PRKCA: variants seen among roughly 807,000 people sequenced by gnomAD.
PRKCA encodes protein kinase C alpha type.
Under a neutral mutation model 87.0 loss-of-function variants are expected in PRKCA, and 27 were observed. The ratio of observed to expected loss-of-function variants is 0.31; its 90% CI spans 0.23 to 0.43. PRKCA has a LOEUF of 0.43. PRKCA is among the 20% of genes least tolerant of loss of function. The probability of loss-of-function intolerance (pLI) is 1.00; values close to 1 mark genes in which losing one functional copy is unlikely to be tolerated. For synonymous variants in PRKCA, 329 were observed against 311.1 expected (o/e 1.06, Z -0.61); for missense variants, 518 against 852.3 (o/e 0.61, Z 4.88).
intron 3 of PRKCA, among the ~76,000 whole-genome samples, chr17:66,506,497 C>T (rs1006946963): frequency 7.2e-5 from 11 of 152,134 alleles, no homozygotes; most frequent in Non-Finnish European, 1.5e-4. Context: ...AAAAAGTATT[C>T]GTTGAACCAA....
intron 2 of PRKCA, among the ~76,000 whole-genome samples, chr17:66,429,522 G>A (rs1225072900): frequency 6.6e-6 from 1 of 152,132 alleles, no homozygotes; most frequent in Non-Finnish European, 1.5e-5. Flanking sequence ...TAGTAGTGAG[G>A]GGTTGCATGT....
chr17:66,714,050 C>T (rs1332645749), intron 8 of PRKCA, among the ~76,000 whole-genome samples: 1 of 152,208 alleles, frequency 6.6e-6, no homozygotes, highest in African/African-American at 2.4e-5. Flanking sequence ...CTCCCTGGCT[C>T]TCTCCTGGCC....
intron 2 of PRKCA, among the ~76,000 whole-genome samples, chr17:66,486,413 C>T (rs1915991626): frequency 6.6e-6 from 1 of 152,184 alleles, no homozygotes; most frequent in Non-Finnish European, 1.5e-5. Context: ...AAGTGTGTGG[C>T]TTCTGGGCCA....
chr17:66,638,404 A>T (rs1598835244), intron 3 of PRKCA: 3 of 152,156 alleles, frequency 2.0e-5, no homozygotes, highest in Admixed American at 6.6e-5. Flanking sequence ...TTCATCAACC[A>T]TGTGATTTGG....
chr17:66,591,022 C>T (rs1389858959), intron 3 of PRKCA, among the ~76,000 whole-genome samples: 1 of 152,146 alleles, frequency 6.6e-6, no homozygotes, highest in Non-Finnish European at 1.5e-5. Flanking sequence ...CTGCCATTTC[C>T]AGCTCTGTAA....
chr17:66,341,398 A>G (rs1399859816), intron 2 of PRKCA, among the ~76,000 whole-genome samples: 4 of 152,144 alleles, frequency 2.6e-5, no homozygotes, highest in African/African-American at 7.2e-5. Flanking sequence ...AAATTTATCT[A>G]CTGTCTTTGT....
chr17:66,320,641 G>A lies in PRKCA; in HGVS notation c.205+14514G>A, dbSNP rs1178775228. ...ATTTGTATTGGATGAGAATTCATGG[G>A]CAAGGAAGATGACCGTTCACGAAAT... On this transcript the variant is annotated intron_variant, in intron 2 of 16. Transcript: ENST00000413366. Among the ~76,000 whole-genome samples, 5 of 152,146 alleles carry A rather than the reference G, an allele frequency of 3.3e-5. No homozygotes were observed. In the East Asian group the frequency reaches 9.6e-4, roughly 29 times the overall value.
rs116944789 is a variant in PRKCA, at chr17:66,417,896, C to G, written c.206-78305C>G. Among the ~76,000 whole-genome samples, 263 of 152,294 alleles carry G rather than the reference C, an allele frequency of 1.7e-3. 7 individuals are homozygous for G. The East Asian group carries it at 0.046, about 26-fold the overall frequency. ...GCATGCAACTGGGATTTTTCTTAAA[C>G]TACTTACCTCTTTTATTTCTATGGT... On this transcript the variant is annotated intron_variant, in intron 2 of 16. Coordinates refer to ENST00000413366, the MANE Select transcript of PRKCA (RefSeq NM_002737.3).
intron 2 of PRKCA, among the ~76,000 whole-genome samples, chr17:66,490,959 T>G (rs78149509): frequency 0.02 from 3,022 of 152,312 alleles, 44 homozygotes; most frequent in Non-Finnish European, 0.031. Context: ...TGGTGAAAAC[T>G]CTCCTTAATT....
chr17:66,331,082 G>A (rs1253177103), intron 2 of PRKCA, among the ~76,000 whole-genome samples: 1 of 152,194 alleles, frequency 6.6e-6, no homozygotes, highest in East Asian at 1.9e-4. Flanking sequence ...TTGGGATGAT[G>A]TGCAGAGATG....
intron 3 of PRKCA, among the ~76,000 whole-genome samples, chr17:66,618,072 A>T (rs1970562570): frequency 6.6e-6 from 1 of 152,160 alleles, no homozygotes; most frequent in Non-Finnish European, 1.5e-5. Flanking sequence ...ATAGTCATTC[A>T]GGCCGAATGC....
chr17:66,430,556 C>T (rs1370018977), intron 2 of PRKCA, among the ~76,000 whole-genome samples: 1 of 152,034 alleles, frequency 6.6e-6, no homozygotes, highest in East Asian at 2.0e-4. Flanking sequence ...AAATCTGGGG[C>T]ATGGGTCTGA....
At chr17:66,332,729 T>C (rs968345416) in intron 2 of PRKCA, among the ~76,000 whole-genome samples, 1 of 151,102 alleles carries the variant, frequency 6.6e-6, no homozygotes, top group African/African-American at 2.4e-5. Context: ...TCTCGCTCTG[T>C]CACCCAGGCT....
chr17:66,418,440 C>CT (rs113526885), intron 2 of PRKCA, among the ~76,000 whole-genome samples: 8,370 of 142,122 alleles, frequency 0.059, 304 homozygotes, highest in African/African-American at 0.1. Context: ...TTGTTTTAGC[C>CT]TTTTTTTTTT....
At chr17:66,434,097 C>A (rs897854656) in intron 2 of PRKCA, among the ~76,000 whole-genome samples, 1 of 152,054 alleles carries the variant, frequency 6.6e-6, no homozygotes, top group African/African-American at 2.4e-5. Context: ...TCCTGCCACA[C>A]TCTTCTTGGG....
chr17:66,720,593 G>A (rs1973590383), intron 8 of PRKCA, among the ~76,000 whole-genome samples: 1 of 152,330 alleles, frequency 6.6e-6, no homozygotes, highest in South Asian at 2.1e-4. Context: ...GAGGTATGAT[G>A]CTGTGCTGGG....
intron 8 of PRKCA, among the ~76,000 whole-genome samples, chr17:66,718,715 C>T (rs563529812): frequency 6.6e-6 from 1 of 152,312 alleles, no homozygotes; most frequent in Non-Finnish European, 1.5e-5. Flanking sequence ...CTCCTGACAC[C>T]ATCATCTTGG....
At chr17:66,774,272 C>T in intron 14 of PRKCA, 1 of 1,411,346 alleles carries the variant, frequency 7.1e-7, no homozygotes, top group Non-Finnish European at 9.3e-7. Context: ...GTCATAGAAA[C>T]TCCAAATTGA....
At chr17:66,509,323 C>A (rs148171996) in intron 3 of PRKCA, among the ~76,000 whole-genome samples, 1 of 151,938 alleles carries the variant, frequency 6.6e-6, no homozygotes, top group Non-Finnish European at 1.5e-5. Flanking sequence ...GGGATAGCAC[C>A]AGTCTGATTC....
Sources: allele counts gnomAD v4.1 joint callset (sites outside exome capture counted in the v4.1 genomes callset), GRCh38; gene constraint gnomAD v4.1.1; transcripts MANE v1.5; gene names NCBI Gene and HGNC (gene_info 2026-07-23, HGNC 2026-07-21).